The following KIF11 variants were observed in gnomAD, a reference collection of about 807,000 sequenced individuals.
The protein encoded by KIF11 is kinesin-like protein KIF11.
A neutral mutation model predicts 121.0 loss-of-function variants in KIF11; 9 were observed. The ratio of observed to expected loss-of-function variants is 0.07; its 90% CI spans 0.04 to 0.13. The LOEUF (loss-of-function observed/expected upper bound fraction) is 0.13. KIF11 is among the 10% of genes least tolerant of loss of function. The probability of loss-of-function intolerance (pLI) is 1.00; values close to 1 mark genes in which losing one functional copy is unlikely to be tolerated. For missense variants in KIF11, 846 were observed against 1,217.5 expected (o/e 0.69, Z 4.54); for synonymous variants, 408 against 421.0 (o/e 0.97, Z 0.38).
At chr10:92,614,018 GTA>G (rs200297076) in intron 8 of KIF11, among the ~76,000 whole-genome samples, 4 of 64,908 alleles carry the variant, frequency 6.2e-5, no homozygotes, top group African/African-American at 1.6e-4. Context: ...AAAAGTATGT[GTA>G]TACACACACA....
intron 5 of KIF11, 33 bp from the exon 6 acceptor site, chr10:92,609,352 A>G (rs758894889): frequency 1.9e-6 from 3 of 1,585,036 alleles, no homozygotes; most frequent in Non-Finnish European, 2.6e-6. Flanking sequence ...GTTTTAACCA[A>G]TCTAATGGAT....
intron 10 of KIF11, among the ~76,000 whole-genome samples, chr10:92,625,031 A>G (rs1432977202): frequency 6.6e-6 from 1 of 151,886 alleles, no homozygotes; most frequent in Non-Finnish European, 1.5e-5. Flanking sequence ...CGGCCTCCCA[A>G]AGTGCTGGAT....
chr10:92,645,670 T>A, intron 18 of KIF11, 28 bp downstream of exon 18: 1 of 1,473,074 alleles, frequency 6.8e-7, no homozygotes, highest in Non-Finnish European at 9.2e-7. Flanking sequence ...GGAACTTACT[T>A]TGGGGAGAAT....
chr10:92,631,410 G>A (rs1844737539), intron 12 of KIF11, among the ~76,000 whole-genome samples: 3 of 147,184 alleles, frequency 2.0e-5, no homozygotes, highest in African/African-American at 5.1e-5. Context: ...GCCGGACTGC[G>A]GACTGCAGTG....
chr10:92,647,861 A>G (rs1844936281), intron 18 of KIF11, among the ~76,000 whole-genome samples: 1 of 152,100 alleles, frequency 6.6e-6, no homozygotes, highest in Non-Finnish European at 1.5e-5. Flanking sequence ...TCATGCCTGT[A>G]ATCTTTGGAG....
At position 92,655,392 on chromosome 10, in the gene KIF11, T is replaced by C. The variant is rs769720974; in HGVS notation, c.*1596T>C. On this transcript the variant is annotated 3_prime_UTR_variant, in exon 22 of 22. Coordinates refer to ENST00000260731, the MANE Select transcript of KIF11 (RefSeq NM_004523.4). ...ATGGTTAATAAATGTGGTTTCTACA[T>C]TAACCTGCTTGCTCCATAATTTCTT... 6.6e-6 allele frequency: 1 copy of C among 152,224 alleles called. No homozygotes were observed. The highest frequency in any genetic ancestry group is 1.5e-5 in the Non-Finnish European group (1 of 68,038). 9.4% of individuals were successfully genotyped at this position (152,224 alleles called of 1,614,324 possible).
intron 1 of KIF11, among the ~76,000 whole-genome samples, chr10:92,599,556 C>G (rs1256857127): frequency 6.7e-6 from 1 of 150,124 alleles, no homozygotes; most frequent in Non-Finnish European, 1.5e-5. Flanking sequence ...AGAAACGTCG[C>G]TGGATTTTGC....
Position 92,593,193 on chromosome 10 carries a change from A to G in KIF11, c.-183A>G. ...TGGCGGCTCCGACTGGCGCGGGACA[A>G]ACGCCACGGCCAGAGTACCGGGTAG... On this transcript the variant is annotated 5_prime_UTR_variant, in exon 1 of 22. Transcript: ENST00000260731. 3 of 563,170 alleles carry G rather than the reference A, an allele frequency of 5.3e-6. No individual in the cohort carries two copies. Among genetic ancestry groups the G allele is most frequent in the Non-Finnish European group, 9.6e-6 (3 of 313,798 alleles). The allele number at this position is 563,170 out of a possible 1,614,324, so 34.9% of individuals were successfully genotyped here.
At position 92,624,990 on chromosome 10, in the gene KIF11, G is replaced by A. The variant is rs964657512; in HGVS notation, c.1217+3517G>A. 3.3e-5 allele frequency among the ~76,000 whole-genome samples: 5 copies of A among 151,830 alleles called. No homozygotes were observed. The South Asian group carries it at 1.0e-3, about 32-fold the overall frequency. ...TCACCATGTTGGCCAGGCTGGTCTC[G>A]AACTCCTGACCTCAAGTGATCTGCC... On this transcript the variant is annotated intron_variant, in intron 10 of 21. Coordinates refer to ENST00000260731, the MANE Select transcript of KIF11 (RefSeq NM_004523.4).
chr10:92,607,551 G>C (rs1844442786), intron 4 of KIF11, among the ~76,000 whole-genome samples: 1 of 152,182 alleles, frequency 6.6e-6, no homozygotes, highest in Non-Finnish European at 1.5e-5. Context: ...GGCAGGGAGG[G>C]CTTTGTATTG....
chr10:92,643,598 C>T (rs1589606246), intron 17 of KIF11, among the ~76,000 whole-genome samples: 2 of 146,166 alleles, frequency 1.4e-5, no homozygotes, highest in South Asian at 2.1e-4. Flanking sequence ...GGTCTGTCAC[C>T]CAGGCTGGAG....
At chr10:92,614,718 A>C (rs1441378964) in intron 8 of KIF11, among the ~76,000 whole-genome samples, 1 of 152,188 alleles carries the variant, frequency 6.6e-6, no homozygotes, top group African/African-American at 2.4e-5. Flanking sequence ...AAAAGTAACA[A>C]AGATGGTAAA....
intron 18 of KIF11, among the ~76,000 whole-genome samples, chr10:92,647,594 T>C (rs1294316611): frequency 6.6e-6 from 1 of 152,148 alleles, no homozygotes; most frequent in East Asian, 1.9e-4. Context: ...TTTTTAGATG[T>C]GATAGTGGTC....
chr10:92,644,910 G>A (rs998279962), intron 17 of KIF11, among the ~76,000 whole-genome samples: 4 of 152,030 alleles, frequency 2.6e-5, no homozygotes, highest in African/African-American at 9.7e-5. Flanking sequence ...TTAATTATTA[G>A]AAAGCTTTAT....
Position 92,632,748 on chromosome 10 carries a change from C to T in KIF11, c.1702+55C>T, listed in dbSNP as rs556120907. The T allele has an allele frequency of 1.4e-4, 147 of 1,072,188 alleles. No homozygotes were observed. The Middle Eastern group carries it at 3.6e-3, about 26-fold the overall frequency. 66.4% of individuals were successfully genotyped at this position (1,072,188 alleles called of 1,614,324 possible). ...GATGTGTTAAGTGTAATGTTGATTTCAAAACTGATAATTTTGTGAAACATA... is the reference window on the plus strand; with the variant it reads ...GATGTGTTAAGTGTAATGTTGATTTTAAAACTGATAATTTTGTGAAACATA... On this transcript the variant is annotated intron_variant, in intron 13 of 21. Transcript: ENST00000260731.
chr10:92,600,407 A>G (rs1416512119), intron 1 of KIF11, among the ~76,000 whole-genome samples: 5 of 152,174 alleles, frequency 3.3e-5, no homozygotes, highest in Non-Finnish European at 7.4e-5. Context: ...TTTGCTGCAC[A>G]GATCAACCCA....
intron 16 of KIF11, 121 bp downstream of exon 16, chr10:92,637,666 C>T: frequency 1.1e-6 from 1 of 893,770 alleles, no homozygotes. Context: ...CTGAAAATAC[C>T]ATAGCCACTG....
chr10:92,628,788 C>G lies in KIF11; in HGVS notation c.1218-20C>G. 1 of 1,327,062 alleles carries G rather than the reference C, an allele frequency of 7.5e-7. No homozygotes were observed. Among genetic ancestry groups the G allele is most frequent in the Non-Finnish European group, 1.1e-6 (1 of 933,478 alleles). 82.2% of individuals were successfully genotyped at this position (1,327,062 alleles called of 1,614,324 possible). ...AGAAAAAAATATTAACTGTTAAACT[C>G]ATATTAAACTTTATTTTAGAGTCAT... On this transcript the variant is annotated intron_variant, in intron 10 of 21. Transcript: ENST00000260731.
Position 92,637,512 on chromosome 10 carries a change from A to G in KIF11, c.2127A>G (p.Glu709=). The change falls in exon 16 of 22, where the codon GAA becomes GAG. Residue 709 remains glutamate (E), a synonymous_variant. Transcript: ENST00000260731. The part of the protein sequence containing the change: ...ESQKQCGNLT[E]DLKTIKQTHS... Reference sequence around the variant, plus strand: ...AAAAGCAATGTGGAAACCTAACTGAAGACCTGAAGACAATAAAGCAGACCC... The same window carrying G: ...AAAAGCAATGTGGAAACCTAACTGAGGACCTGAAGACAATAAAGCAGACCC... 2 of 1,604,478 alleles carry G rather than the reference A, an allele frequency of 1.2e-6. No individual in the cohort carries two copies. The highest frequency in any genetic ancestry group is 2.3e-5 in the South Asian group (2 of 88,434).
Sources: allele counts gnomAD v4.1 joint callset (sites outside exome capture counted in the v4.1 genomes callset), GRCh38; gene constraint gnomAD v4.1.1; transcripts MANE v1.5; gene names NCBI Gene and HGNC (gene_info 2026-07-23, HGNC 2026-07-21).